ERICH2: variants seen among roughly 807,000 people sequenced by gnomAD.
ERICH2 encodes the protein glutamate rich 2, also known as glutamate-rich protein 2.
ERICH2 carries 17 observed loss-of-function variants against 17.4 expected under a neutral mutation model. That is an observed-to-expected ratio of 0.98 (90% CI 0.67 to 1.47). The LOEUF (loss-of-function observed/expected upper bound fraction) is 1.47, where lower values mean the gene tolerates loss of function less well. Ranked by LOEUF, ERICH2 falls within the 40% of genes most tolerant of loss-of-function variation. The probability of loss-of-function intolerance (pLI) is 0.00; values close to 1 mark genes in which losing one functional copy is unlikely to be tolerated. For synonymous variants in ERICH2, 51 were observed against 61.1 expected (o/e 0.83, Z 0.77); for missense variants, 186 against 183.2 (o/e 1.01, Z -0.09).
intron 2 of ERICH2, among the ~76,000 whole-genome samples, chr2:170,791,533 A>AAAAAAAAC (rs562001249): frequency 0.22 from 31,932 of 145,092 alleles, 4,677 homozygotes; most frequent in South Asian, 0.33. Flanking sequence ...CTACTAAAAA[A>AAAAAAAAC]AAAAAAATTA....
chr2:170,789,465 GC>G (rs1481172343), intron 2 of ERICH2, among the ~76,000 whole-genome samples: 8 of 151,984 alleles, frequency 5.3e-5, no homozygotes, highest in African/African-American at 1.9e-4. Flanking sequence ...CTTTAAAATG[GC>G]TTTTGTAGCT....
upstream of ERICH2, among the ~76,000 whole-genome samples, chr2:170,780,669 C>T (rs1013546224): frequency 2.0e-5 from 3 of 152,028 alleles, no homozygotes; most frequent in African/African-American, 4.8e-5. Flanking sequence ...ATTTTAACAC[C>T]TTTTACAATC....
At chr2:170,792,880 G>A (rs1489818202) in exon 3 of ERICH2, 2 of 1,516,676 alleles carry the variant, frequency 1.3e-6, no homozygotes, top group African/African-American at 1.4e-5. Flanking sequence ...GAGCAGAAAT[G>A]GCCCGAGAGT....
At chr2:170,793,364 T>G (rs963969459) in intron 3 of ERICH2, among the ~76,000 whole-genome samples, 12 of 152,162 alleles carry the variant, frequency 7.9e-5, no homozygotes, top group Non-Finnish European at 1.6e-4. Flanking sequence ...TTGTGTCTAG[T>G]GTTAGAAAGA....
At chr2:170,784,793 C>T (rs551957588) in exon 2 of ERICH2, 958 of 1,532,554 alleles carry the variant, frequency 6.3e-4, no homozygotes, top group Non-Finnish European at 7.3e-4. Context: ...GATAGTAACC[C>T]TAAAAAGAAT....
Position 170,798,081 on chromosome 2 carries a change from TTTCA to T in ERICH2, c.316_319del (p.Phe106HisfsTer8). Reference sequence around the variant, plus strand: ...CAGAAAATCCTGAGGCCAAGGAGTTTTTCACACTTATTGAAGAAATGTTGCTGAT... The same window carrying T: ...CAGAAAATCCTGAGGCCAAGGAGTTTCACTTATTGAAGAAATGTTGCTGAT... On this transcript the variant is annotated frameshift_variant, in exon 4 of 5. Transcript: ENST00000409885. LOFTEE classifies it low-confidence loss of function (END_TRUNC). The T allele has an allele frequency of 6.5e-7, 1 of 1,549,242 alleles. No homozygotes were observed. The highest frequency in any genetic ancestry group is 8.7e-7 in the Non-Finnish European group (1 of 1,145,820).
chr2:170,777,764 C>T, the ERICH2 span: 3 of 950,290 alleles, frequency 3.2e-6, no homozygotes, highest in Non-Finnish European at 4.1e-6. Context: ...CATTTGTCAC[C>T]CAATTAAATT....
upstream of ERICH2, among the ~76,000 whole-genome samples, chr2:170,781,133 C>T (rs1055696603): frequency 2.0e-5 from 3 of 152,120 alleles, no homozygotes; most frequent in African/African-American, 7.2e-5. Flanking sequence ...ACCTGGTCAA[C>T]CTATTTGCTA....
intron 2 of ERICH2, among the ~76,000 whole-genome samples, chr2:170,789,619 C>T (rs1047616279): frequency 6.6e-6 from 1 of 152,108 alleles, no homozygotes; most frequent in Non-Finnish European, 1.5e-5. Context: ...TAATTCTCAT[C>T]AAGGGCTTCT....
chr2:170,788,142 T>C (rs929522770), intron 2 of ERICH2, among the ~76,000 whole-genome samples: 6 of 152,204 alleles, frequency 3.9e-5, no homozygotes, highest in Non-Finnish European at 8.8e-5. Flanking sequence ...ATAGGAAATT[T>C]TGAAACCTCC....
chr2:170,772,017 T>G, the ERICH2 span, among the ~76,000 whole-genome samples: 1 of 152,238 alleles, frequency 6.6e-6, no homozygotes, highest in Non-Finnish European at 1.5e-5. Context: ...AAATCCAACT[T>G]ATTTTTTAAT....
chr2:170,795,678 A>G (rs1701398968), intron 3 of ERICH2, among the ~76,000 whole-genome samples: 1 of 152,186 alleles, frequency 6.6e-6, no homozygotes. Context: ...CTGAAAGTCA[A>G]GAGTCCAAAG....
At chr2:170,792,364 A>AT (rs1348069637) in intron 2 of ERICH2, among the ~76,000 whole-genome samples, 1 of 152,232 alleles carries the variant, frequency 6.6e-6, no homozygotes, top group Non-Finnish European at 1.5e-5. Context: ...AATTTCCTAC[A>AT]TAAAAAAAGA....
At chr2:170,793,148 A>G (rs770795534) in intron 3 of ERICH2, among the ~76,000 whole-genome samples, 2 of 152,228 alleles carry the variant, frequency 1.3e-5, no homozygotes, top group African/African-American at 2.4e-5. Flanking sequence ...AATTACCATC[A>G]CTGGAAAATA....
upstream of ERICH2, among the ~76,000 whole-genome samples, chr2:170,781,402 G>A (rs753899886): frequency 1.9e-4 from 29 of 152,070 alleles, no homozygotes; most frequent in Admixed American, 3.3e-4. Context: ...TTGGAAGGCC[G>A]AGGTGGGTGG....
the ERICH2 span, chr2:170,770,713 C>A: frequency 6.4e-6 from 1 of 155,224 alleles, no homozygotes; most frequent in Non-Finnish European, 1.5e-5. Context: ...TTCTTTCCTT[C>A]TTCGGCGCTC....
chr2:170,784,780 G>T lies in ERICH2; in HGVS notation c.163G>T (p.Glu55Ter), dbSNP rs1282264166. The T allele has an allele frequency of 6.5e-7, 1 of 1,542,196 alleles. No individual in the cohort carries two copies. Among genetic ancestry groups the T allele is most frequent in the Non-Finnish European group, 8.7e-7 (1 of 1,143,264 alleles). The change falls in exon 2 of 5, where the codon GAA becomes TAA. Residue 55 changes from glutamate to a stop codon, truncating the protein, a stop_gained. Transcript: ENST00000409885. LOFTEE classifies it high-confidence loss of function. ...TGATACCAATGATGAAGATGATGAT[G>T]AAGATAGTAACCCTAAAAAGAATAC...
intron 3 of ERICH2, among the ~76,000 whole-genome samples, chr2:170,796,452 T>TTC (rs373654461): frequency 0.2 from 28,177 of 137,718 alleles, 3,624 homozygotes; most frequent in South Asian, 0.33. Flanking sequence ...TTTTTTTTTT[T>TTC]TGAGACAGCG....
the ERICH2 span, among the ~76,000 whole-genome samples, chr2:170,776,484 T>C: frequency 2.0e-5 from 3 of 152,288 alleles, no homozygotes; most frequent in East Asian, 5.8e-4. Context: ...TTCGAGCTAT[T>C]CTCATATCTC....
Sources: allele counts gnomAD v4.1 joint callset (sites outside exome capture counted in the v4.1 genomes callset), GRCh38; gene constraint gnomAD v4.1.1; transcripts MANE v1.5; gene names NCBI Gene and HGNC (gene_info 2026-07-23, HGNC 2026-07-21).